Variants in FOCAD observed in about 807,000 individuals in gnomAD.
The protein encoded by FOCAD is focadhesin.
In FOCAD, 198 loss-of-function variants were observed where a neutral mutation model predicts 225.6. That is an observed-to-expected ratio of 0.88 (90% confidence interval 0.78 to 0.99). The LOEUF (loss-of-function observed/expected upper bound fraction) is 0.99. Ranked by LOEUF, FOCAD falls within the 50% of genes least tolerant of loss-of-function variation. The pLI, the probability that FOCAD is intolerant of heterozygous loss-of-function variation, is 0.00. For missense variants in FOCAD, 2,713 were observed against 2,123.6 expected (o/e 1.28, Z -5.46); for synonymous variants, 897 against 755.0 (o/e 1.19, Z -3.08).
In FOCAD at chr9:20,757,090, C is replaced by T. The variant is rs559445432; in HGVS notation, c.393-1000C>T. On this transcript the variant is annotated intron_variant, in intron 5 of 43. Coordinates refer to ENST00000338382, the MANE Select transcript of FOCAD (RefSeq NM_001375567.1). ...GATTACAGGCATGCGCCACCATTCC[C>T]GGCTAATTTTGTATTTTTAGTAGAG... 2.4e-4 allele frequency among the ~76,000 whole-genome samples: 37 copies of T among 152,232 alleles called. 2 individuals are homozygous for T. The South Asian group carries it at 5.6e-3, about 23-fold the overall frequency.
chr9:20,835,441 G>T (rs1422837665), intron 15 of FOCAD, among the ~76,000 whole-genome samples: 1 of 152,010 alleles, frequency 6.6e-6, no homozygotes, highest in Non-Finnish European at 1.5e-5. Flanking sequence ...ATAAAAGTGT[G>T]AGTGTAGTTT....
chr9:20,766,433 T>C (rs1830057601), intron 7 of FOCAD, among the ~76,000 whole-genome samples: 1 of 152,228 alleles, frequency 6.6e-6, no homozygotes, highest in Non-Finnish European at 1.5e-5. Flanking sequence ...GAAACATGAC[T>C]ATCTCATGGC....
At chr9:20,669,546 G>A (rs774245706) in intron 2 of FOCAD, among the ~76,000 whole-genome samples, 12 of 152,124 alleles carry the variant, frequency 7.9e-5, no homozygotes, top group African/African-American at 1.4e-4. Flanking sequence ...AGGCCGAGGC[G>A]GGCAGATCAC....
chr9:20,994,755 C>T (rs958376210), intron 43 of FOCAD, among the ~76,000 whole-genome samples: 19 of 152,082 alleles, frequency 1.2e-4, no homozygotes, highest in African/African-American at 3.9e-4. Context: ...GCCATAATAA[C>T]GTTGGTTGCT....
intron 1 of FOCAD, among the ~76,000 whole-genome samples, chr9:20,701,289 A>G (rs1823921074): frequency 6.6e-6 from 1 of 152,162 alleles, no homozygotes; most frequent in Non-Finnish European, 1.5e-5. Flanking sequence ...GAGCGTTCCA[A>G]TATTATTTCA....
In FOCAD at chr9:20,952,972, T is replaced by G; in HGVS notation, c.4052-13T>G. ...AGTTCACTGGTTAATTTGATCATTTTCTGTCTCCACAGTTCCTACTGACTA... is the reference window on the plus strand; with the variant it reads ...AGTTCACTGGTTAATTTGATCATTTGCTGTCTCCACAGTTCCTACTGACTA... On this transcript the variant is annotated splice_polypyrimidine_tract_variant and intron_variant, in intron 34 of 43. Transcript: ENST00000338382. 6.2e-7 allele frequency: 1 copy of G among 1,609,328 alleles called. No homozygotes were observed. Among genetic ancestry groups the G allele is most frequent in the Admixed American group, 1.7e-5 (1 of 59,864 alleles).
At chr9:20,905,633 G>A (rs547975482) in intron 21 of FOCAD, among the ~76,000 whole-genome samples, 1 of 152,122 alleles carries the variant, frequency 6.6e-6, no homozygotes, top group South Asian at 2.1e-4. Flanking sequence ...TTATGAAAAG[G>A]GAACAGAACT....
chr9:20,981,953 T>G (rs1343800241), intron 38 of FOCAD, among the ~76,000 whole-genome samples: 1 of 152,178 alleles, frequency 6.6e-6, no homozygotes, highest in African/African-American at 2.4e-5. Context: ...AAATGCCTCT[T>G]GTAGAAGACG....
chr9:20,915,326 G>A (rs1050899795), intron 23 of FOCAD, among the ~76,000 whole-genome samples: 2 of 152,152 alleles, frequency 1.3e-5, no homozygotes, highest in African/African-American at 2.4e-5. Context: ...ATTTAAAGGT[G>A]GGGAAGATGA....
chr9:20,984,113 A>G (rs1321055439), intron 39 of FOCAD, among the ~76,000 whole-genome samples: 2 of 152,168 alleles, frequency 1.3e-5, no homozygotes, highest in African/African-American at 2.4e-5. Context: ...AGAGTTTTCT[A>G]TTTGTTTCTG....
chr9:20,738,456 G>A (rs2131646346), intron 4 of FOCAD, among the ~76,000 whole-genome samples: 1 of 152,286 alleles, frequency 6.6e-6, no homozygotes, highest in East Asian at 1.9e-4. Context: ...ACATCCATTG[G>A]AGAACACACA....
intron 35 of FOCAD, among the ~76,000 whole-genome samples, chr9:20,962,076 G>A (rs1838782791): frequency 6.6e-6 from 1 of 152,018 alleles, no homozygotes; most frequent in South Asian, 2.1e-4. Flanking sequence ...ACTTAGTGTA[G>A]AAAAAAATCG....
intron 24 of FOCAD, among the ~76,000 whole-genome samples, chr9:20,920,911 T>C (rs1834361034): frequency 6.6e-6 from 1 of 151,312 alleles, no homozygotes; most frequent in East Asian, 1.9e-4. Flanking sequence ...CATGTATACA[T>C]ATGTAACTAA....
At chr9:20,776,850 TG>T (rs1346769834) in intron 8 of FOCAD, among the ~76,000 whole-genome samples, 13 of 152,214 alleles carry the variant, frequency 8.5e-5, no homozygotes, top group African/African-American at 2.7e-4. Flanking sequence ...GTTTTCCTTT[TG>T]TTTTTTTATG....
intron 1 of FOCAD, among the ~76,000 whole-genome samples, chr9:20,708,700 C>T (rs535150013): frequency 1.3e-5 from 2 of 152,162 alleles, no homozygotes; most frequent in South Asian, 4.2e-4. Flanking sequence ...CACTTGAGCC[C>T]TGGAGTTTGA....
At chr9:20,774,251 A>T (rs189358095) in intron 8 of FOCAD, among the ~76,000 whole-genome samples, 4 of 152,170 alleles carry the variant, frequency 2.6e-5, no homozygotes, top group Admixed American at 2.6e-4. Flanking sequence ...AGTTAGCTCT[A>T]AAGGCTTGAC....
At chr9:20,963,467 A>G (rs368233433) in intron 35 of FOCAD, among the ~76,000 whole-genome samples, 38 of 152,186 alleles carry the variant, frequency 2.5e-4, no homozygotes, top group Non-Finnish European at 4.6e-4. Flanking sequence ...GGAAACTCCA[A>G]AGTCTTTGTA....
chr9:20,869,457 C>T (rs910741141), intron 18 of FOCAD, among the ~76,000 whole-genome samples: 1 of 152,008 alleles, frequency 6.6e-6, no homozygotes, highest in East Asian at 1.9e-4. Context: ...TTGTTGATTG[C>T]TGAACATCAA....
At chr9:20,799,642 C>G (rs1742183601) in intron 11 of FOCAD, among the ~76,000 whole-genome samples, 1 of 151,714 alleles carries the variant, frequency 6.6e-6, no homozygotes, top group Non-Finnish European at 1.5e-5. Flanking sequence ...GGTTTAAAGT[C>G]TGTTTTATCC....
Sources: allele counts gnomAD v4.1 joint callset (sites outside exome capture counted in the v4.1 genomes callset), GRCh38; gene constraint gnomAD v4.1.1; transcripts MANE v1.5; gene names NCBI Gene and HGNC (gene_info 2026-07-23, HGNC 2026-07-21).